Variants in ITGA9 observed in about 807,000 individuals in gnomAD.
ITGA9 encodes integrin subunit alpha 9.
In ITGA9, 56 loss-of-function variants were observed where a neutral mutation model predicts 127.8. The ratio of observed to expected loss-of-function variants is 0.44; its 90% CI spans 0.35 to 0.55. The LOEUF (loss-of-function observed/expected upper bound fraction) is 0.55, where lower values mean the gene tolerates loss of function less well. Among genes scored for constraint, ITGA9 ranks in the 20% least tolerant of loss-of-function variants. ITGA9 has a pLI of 0.00. For synonymous variants in ITGA9, 508 were observed against 514.5 expected, an observed-to-expected ratio of 0.99 and a Z score of 0.17; for missense variants, 1,196 against 1,347.1, an observed-to-expected ratio of 0.89 and a Z score of 1.76.
At chr3:37,644,924 TTTCC>T (rs1700363418) in intron 16 of ITGA9, among the ~76,000 whole-genome samples, 1 of 152,188 alleles carries the variant, frequency 6.6e-6, no homozygotes. Flanking sequence ...CAATGAGCCT[TTTCC>T]TTCCTTCGTT....
intron 18 of ITGA9, among the ~76,000 whole-genome samples, chr3:37,707,295 G>T (rs1701017516): frequency 6.6e-6 from 1 of 152,200 alleles, no homozygotes. Flanking sequence ...GTAATGTTTA[G>T]TAATTTTTTC....
intron 15 of ITGA9, among the ~76,000 whole-genome samples, chr3:37,550,263 T>C (rs552214056): frequency 1.3e-5 from 2 of 152,292 alleles, no homozygotes; most frequent in South Asian, 4.1e-4. Flanking sequence ...TGCCAGATAC[T>C]CTTCTACAGG....
At chr3:37,763,207 T>C (rs1696742414) in intron 23 of ITGA9, among the ~76,000 whole-genome samples, 1 of 152,268 alleles carries the variant, frequency 6.6e-6, no homozygotes, top group East Asian at 1.9e-4. Flanking sequence ...GTAAATGCTC[T>C]GGAGAAAAAT....
chr3:37,492,321 C>T (rs1698681772), intron 4 of ITGA9, among the ~76,000 whole-genome samples: 1 of 152,220 alleles, frequency 6.6e-6, no homozygotes, highest in African/African-American at 2.4e-5. Flanking sequence ...CCATGTGTGT[C>T]CCAGGCCCTC....
At chr3:37,602,602 A>C (rs779701381) in intron 15 of ITGA9, among the ~76,000 whole-genome samples, 2 of 151,994 alleles carry the variant, frequency 1.3e-5, no homozygotes, top group African/African-American at 4.8e-5. Context: ...TAGTTTTTTT[A>C]ATTTTTATTT....
intron 5 of ITGA9, among the ~76,000 whole-genome samples, chr3:37,499,243 G>A (rs913806446): frequency 6.6e-6 from 1 of 152,228 alleles, no homozygotes; most frequent in African/African-American, 2.4e-5. Flanking sequence ...TGGCGTTCAC[G>A]CCTGCTGTAG....
intron 1 of ITGA9, among the ~76,000 whole-genome samples, chr3:37,456,558 G>A (rs528781319): frequency 4.6e-5 from 7 of 152,276 alleles, no homozygotes; most frequent in African/African-American, 7.2e-5. Context: ...TGCCCCAGAC[G>A]CCCTGGAGTC....
intron 23 of ITGA9, among the ~76,000 whole-genome samples, chr3:37,755,161 A>T (rs1696635204): frequency 6.6e-6 from 1 of 152,210 alleles, no homozygotes; most frequent in South Asian, 2.1e-4. Context: ...TTCATAAGGT[A>T]AGATCAGCAT....
intron 17 of ITGA9, among the ~76,000 whole-genome samples, chr3:37,662,355 A>T (rs1285539409): frequency 6.6e-6 from 1 of 152,044 alleles, no homozygotes; most frequent in Admixed American, 6.6e-5. Flanking sequence ...ATGAGCTGAG[A>T]TGGCACCACT....
intron 26 of ITGA9, chr3:37,790,426 C>A: frequency 2.3e-6 from 1 of 442,524 alleles, no homozygotes. Flanking sequence ...CCTGATCCTG[C>A]GAGTCACTGC....
chr3:37,564,039 A>C (rs9824674), intron 15 of ITGA9, among the ~76,000 whole-genome samples: 1 of 152,140 alleles, frequency 6.6e-6, no homozygotes, highest in African/African-American at 2.4e-5. Context: ...ATTTTGGAAC[A>C]TAATTGAATT....
intron 18 of ITGA9, among the ~76,000 whole-genome samples, chr3:37,685,799 C>T (rs981810639): frequency 2.0e-5 from 3 of 152,176 alleles, no homozygotes; most frequent in African/African-American, 7.2e-5. Flanking sequence ...GACTAGGCTT[C>T]ATTCTCTTTA....
intron 15 of ITGA9, among the ~76,000 whole-genome samples, chr3:37,621,299 G>T (rs570800420): frequency 6.6e-6 from 1 of 152,210 alleles, no homozygotes; most frequent in South Asian, 2.1e-4. Context: ...CCCAGTTTTG[G>T]GTATGTCTTT....
At chr3:37,708,308 C>T (rs1701029935) in intron 18 of ITGA9, among the ~76,000 whole-genome samples, 1 of 152,122 alleles carries the variant, frequency 6.6e-6, no homozygotes, top group East Asian at 1.9e-4. Flanking sequence ...AAATCTAGGC[C>T]TGGAACAGAC....
intron 18 of ITGA9, among the ~76,000 whole-genome samples, chr3:37,705,139 C>G (rs1286691789): frequency 2.0e-5 from 3 of 152,214 alleles, no homozygotes; most frequent in African/African-American, 4.8e-5. Context: ...ATGGCATTCA[C>G]TCTTTCATTC....
At chr3:37,777,540 G>A (rs2125550256) in intron 24 of ITGA9, 23 bp downstream of exon 24, 2 of 1,613,552 alleles carry the variant, frequency 1.2e-6, no homozygotes, top group East Asian at 4.5e-5. Context: ...TTAGTGGTTG[G>A]GGTAACACGG....
chr3:37,667,990 C>T lies in ITGA9; in HGVS notation c.1916+14200C>T, dbSNP rs76683343. Among the ~76,000 whole-genome samples the T allele has an allele frequency of 9.8e-3, 1,492 of 152,198 alleles. 9 individuals carry two copies. The highest frequency in any genetic ancestry group is 0.017 in the Non-Finnish European group (1,139 of 67,998). On this transcript the variant is annotated intron_variant, in intron 17 of 27. Coordinates refer to ENST00000264741, the MANE Select transcript of ITGA9 (RefSeq NM_002207.3). ...CATTTGATTTGCAGTTTCCTGAATG[C>T]GAGGCTCCAAGTGTAGGGACCGCCA...
intron 15 of ITGA9, among the ~76,000 whole-genome samples, chr3:37,547,194 A>G (rs1249027110): frequency 1.3e-5 from 2 of 150,624 alleles, no homozygotes; most frequent in Non-Finnish European, 3.0e-5. Context: ...TAAAAACAAA[A>G]CAAAACAATC....
intron 17 of ITGA9, among the ~76,000 whole-genome samples, chr3:37,682,219 C>T (rs1393629874): frequency 6.6e-6 from 1 of 152,216 alleles, no homozygotes; most frequent in African/African-American, 2.4e-5. Flanking sequence ...TCATTGCTTC[C>T]ATTTGTTCTC....
Sources: allele counts gnomAD v4.1 joint callset (sites outside exome capture counted in the v4.1 genomes callset), GRCh38; gene constraint gnomAD v4.1.1; transcripts MANE v1.5; gene names NCBI Gene and HGNC (gene_info 2026-07-23, HGNC 2026-07-21).